The following MYLK variants were observed in gnomAD, a reference collection of about 807,000 sequenced individuals.
The protein encoded by MYLK is myosin light chain kinase.
A neutral mutation model predicts 203.4 loss-of-function variants in MYLK; 106 were observed. That is an observed-to-expected ratio of 0.52 (90% CI 0.45 to 0.61). The LOEUF (loss-of-function observed/expected upper bound fraction) is 0.61, where lower values mean the gene tolerates loss of function less well. MYLK is among the 20% of genes least tolerant of loss of function. The pLI, the probability that MYLK is intolerant of heterozygous loss-of-function variation, is 0.00. For missense variants in MYLK, 2,072 were observed against 2,442.3 expected, an observed-to-expected ratio of 0.85 and a Z score of 3.20; for synonymous variants, 867 against 959.5, an observed-to-expected ratio of 0.90 and a Z score of 1.78.
intron 20 of MYLK, among the ~76,000 whole-genome samples, chr3:123,677,916 T>TATATAC (rs1553793546): frequency 1.1e-5 from 1 of 94,778 alleles, no homozygotes; most frequent in Admixed American, 9.7e-5. Context: ...TATATATATA[T>TATATAC]ATACACACAC....
At chr3:123,867,265 TG>T (rs1222412653) in intron 2 of MYLK, among the ~76,000 whole-genome samples, 1 of 152,106 alleles carries the variant, frequency 6.6e-6, no homozygotes, top group African/African-American at 2.4e-5. Flanking sequence ...CCATCTGTCA[TG>T]GGTTGAAGTG....
chr3:123,842,134 T>C (rs539496686), intron 2 of MYLK, among the ~76,000 whole-genome samples: 1 of 152,194 alleles, frequency 6.6e-6, no homozygotes, highest in Admixed American at 6.5e-5. Context: ...ATATTCCACC[T>C]ATATACTATT....
rs1457975639 is a variant in MYLK at position 123,692,737 on chromosome 3, T to C, written c.3563A>G (p.Asp1188Gly). 6.2e-7 allele frequency: 1 copy of C among 1,612,268 alleles called. No individual in the cohort carries two copies. Among genetic ancestry groups the C allele is most frequent in the Admixed American group, 1.7e-5 (1 of 59,988 alleles). Residue 1188 changes from aspartate (D) to glycine (G), a missense_variant and splice_region_variant, in exon 19 of 34, where the codon GAT (aspartate) becomes GGT (glycine). Coordinates refer to ENST00000360304, the MANE Select transcript of MYLK (RefSeq NM_053025.4). ...GGCGATGGGTGGGCACGACCTACCA[T>C]CCACGGTGACTTGGCAGGAGCACTC... is the stretch of plus-strand genomic sequence containing the variant. ...QAECSCQVTV[D>G]DAPASENTKA...
At chr3:123,675,183 C>A (rs2060033459) in intron 20 of MYLK, among the ~76,000 whole-genome samples, 1 of 152,248 alleles carries the variant, frequency 6.6e-6, no homozygotes, top group Non-Finnish European at 1.5e-5. Flanking sequence ...GGGATCAAAG[C>A]TGCCAGGTGC....
intron 20 of MYLK, among the ~76,000 whole-genome samples, chr3:123,673,670 C>T (rs905716956): frequency 6.6e-6 from 1 of 152,220 alleles, no homozygotes; most frequent in African/African-American, 2.4e-5. Flanking sequence ...CTCCCTGGCT[C>T]ACTAACTAGT....
At chr3:123,714,818 C>A (rs2061836265) in intron 13 of MYLK, among the ~76,000 whole-genome samples, 5 of 152,130 alleles carry the variant, frequency 3.3e-5, no homozygotes, top group Admixed American at 3.3e-4. Context: ...TGCCACTGTC[C>A]CATTTTGACA....
chr3:123,830,311 G>A (rs1368259629), intron 3 of MYLK, among the ~76,000 whole-genome samples: 3 of 151,270 alleles, frequency 2.0e-5, no homozygotes, highest in African/African-American at 7.4e-5. Flanking sequence ...CACATATGCT[G>A]TGTTTTCTTT....
intron 20 of MYLK, among the ~76,000 whole-genome samples, chr3:123,671,011 A>G (rs111596931): frequency 9.8e-5 from 15 of 152,404 alleles, no homozygotes; most frequent in African/African-American, 2.6e-4. Flanking sequence ...CTTGCGGGAC[A>G]GATCCAATTA....
chr3:123,691,723 T>G (rs1435264250), intron 19 of MYLK: 2 of 152,240 alleles, frequency 1.3e-5, no homozygotes, highest in Non-Finnish European at 2.9e-5. Flanking sequence ...AAGCTGGGCT[T>G]CAAGATGCCT....
intron 3 of MYLK, among the ~76,000 whole-genome samples, chr3:123,822,339 C>A (rs936075498): frequency 1.3e-5 from 2 of 152,138 alleles, no homozygotes; most frequent in Non-Finnish European, 1.5e-5. Context: ...AGAAATGAAA[C>A]CTGGTCAAGA....
intron 4 of MYLK, among the ~76,000 whole-genome samples, chr3:123,771,592 T>A (rs2063886001): frequency 6.6e-6 from 1 of 152,242 alleles, no homozygotes; most frequent in Non-Finnish European, 1.5e-5. Context: ...TTTAGTAATT[T>A]TTGTTCAATG....
chr3:123,624,334 A>AG (rs2058031557), intron 31 of MYLK: 1 of 151,552 alleles, frequency 6.6e-6, no homozygotes, highest in Admixed American at 6.6e-5. Flanking sequence ...CTTTAAAAAA[A>AG]AAAAAAAAAA....
Position 123,733,782 on chromosome 3 carries a change from A to C in MYLK, c.1214T>G (p.Met405Arg). Reference sequence around the variant, plus strand: ...GAATGCTGAATCCCTCTGGCCCTCCATGGGGATTCTCCTGTTAGCAGCCTT... The same window carrying C: ...GAATGCTGAATCCCTCTGGCCCTCCCTGGGGATTCTCCTGTTAGCAGCCTT... ...VSKAANRRIPMEGQRDSAFPK... is the reference protein window; with the variant it reads ...VSKAANRRIPREGQRDSAFPK... Residue 405 changes from methionine to arginine, a missense_variant, in exon 10 of 34, where the codon ATG becomes AGG. This residue lies in a region of MYLK where 683 missense variants were observed against 643.8 expected (regional missense o/e 1.06). Transcript: ENST00000360304. The C allele has an allele frequency of 6.2e-7, 1 of 1,614,170 alleles. No homozygotes were observed. The highest frequency in any genetic ancestry group is 8.5e-7 in the Non-Finnish European group (1 of 1,180,024).
chr3:123,677,722 A>G (rs916431536), intron 20 of MYLK, among the ~76,000 whole-genome samples: 2 of 151,824 alleles, frequency 1.3e-5, no homozygotes, highest in African/African-American at 4.8e-5. Flanking sequence ...ATTAGACAAC[A>G]GTATTGGTTC....
chr3:123,661,230 G>A (rs2059551808), intron 23 of MYLK, among the ~76,000 whole-genome samples: 1 of 152,214 alleles, frequency 6.6e-6, no homozygotes, highest in Admixed American at 6.5e-5. Context: ...TGGGCATCGT[G>A]GGGGCTGGGG....
intron 4 of MYLK, among the ~76,000 whole-genome samples, chr3:123,771,934 A>C (rs1456644925): frequency 6.6e-6 from 1 of 152,178 alleles, no homozygotes; most frequent in Non-Finnish European, 1.5e-5. Flanking sequence ...TTTTTGCATA[A>C]AGTTGAAAAT....
chr3:123,657,023 T>C (rs2059408634), intron 24 of MYLK, 103 bp downstream of exon 24: 2 of 1,326,072 alleles, frequency 1.5e-6, no homozygotes, highest in Non-Finnish European at 2.2e-6. Context: ...TCATCATTAA[T>C]GTTTCCTCAG....
rs387906782 is a variant in MYLK at position 123,647,405 on chromosome 3, G to A, written c.4438C>T (p.Arg1480Ter). 1.9e-6 allele frequency: 3 copies of A among 1,614,142 alleles called. No homozygotes were observed. Among genetic ancestry groups the A allele is most frequent in the Non-Finnish European group, 2.5e-6 (3 of 1,180,018 alleles). ...TTTCGAGTTTTCTTTTCTACAAGTC[G>A]AAAGACCTGTCCAAATTTCCCACTG... ...LGSGKFGQVF[R>*]LVEKKTRKVW... The change falls in exon 27 of 34, where the codon CGA (arginine) becomes TGA (stop). Residue 1480 changes from arginine to a stop codon, truncating the protein, a stop_gained. Transcript: ENST00000360304. LOFTEE classifies it high-confidence loss of function.
Position 123,684,691 on chromosome 3 carries a change from C to T in MYLK, c.3566-2381G>A, listed in dbSNP as rs999667657. On this transcript the variant is annotated intron_variant, in intron 19 of 33. Coordinates refer to ENST00000360304, the MANE Select transcript of MYLK (RefSeq NM_053025.4). ...CCTCCTGAGTAGCCTCCTGAGTACA[C>T]GCCTGACTAATTTTTCGTATTTTCA... 2.6e-5 allele frequency among the ~76,000 whole-genome samples: 4 copies of T among 152,114 alleles called. No individual in the cohort carries two copies. The East Asian group carries it at 5.8e-4, about 22-fold the overall frequency.
Sources: gnomAD v4.1 joint callset for allele counts (sites outside exome capture counted in the v4.1 genomes callset) on GRCh38, gnomAD v4.1.1 for gene constraint, gnomAD v4.1.1 regional missense constraint, MANE v1.5 for transcripts, NCBI Gene and HGNC (gene_info 2026-07-23, HGNC 2026-07-21) for gene names.